ATAD3B: variants seen among roughly 807,000 people sequenced by gnomAD.
ATAD3B encodes the protein ATPase family AAA domain-containing protein 3B.
A neutral mutation model predicts 70.2 loss-of-function variants in ATAD3B; 59 were observed. The observed-to-expected ratio is 0.84, with a 90% confidence interval of 0.68 to 1.04. The LOEUF is 1.04. Among genes scored for constraint, ATAD3B ranks in the 50% least tolerant of loss-of-function variants. The pLI, the probability that ATAD3B is intolerant of heterozygous loss-of-function variation, is 0.00. For synonymous variants in ATAD3B, 423 were observed against 388.6 expected, an observed-to-expected ratio of 1.09 and a Z score of -1.04; for missense variants, 961 against 913.4, an observed-to-expected ratio of 1.05 and a Z score of -0.67.
the ATAD3B span, chr1:1,503,354 C>T: frequency 7.3e-5 from 39 of 530,908 alleles, no homozygotes; most frequent in Admixed American, 1.2e-4. Context: ...ATGTGGCTCT[C>T]CAAGACCATC....
chr1:1,509,283 C>A, the ATAD3B span: 2 of 1,612,802 alleles, frequency 1.2e-6, no homozygotes, highest in Non-Finnish European at 1.7e-6. Context: ...TGTCCAGCAG[C>A]ACCAGCAGAT....
At chr1:1,507,735 C>T in the ATAD3B span, among the ~76,000 whole-genome samples, 4 of 152,166 alleles carry the variant, frequency 2.6e-5, no homozygotes, top group African/African-American at 9.7e-5. Context: ...TCAATTTGTC[C>T]AGGAGTTTGA....
At position 1,474,018 on chromosome 1, in the gene ATAD3B, A is replaced by G. The variant is rs545043008; in HGVS notation, c.205+1929A>G. 5.9e-5 allele frequency among the ~76,000 whole-genome samples: 9 copies of G among 151,988 alleles called. No individual in the cohort carries two copies. The East Asian group carries it at 1.7e-3, about 29-fold the overall frequency. On this transcript the variant is annotated intron_variant, in intron 1 of 15. Coordinates refer to ENST00000673477, the MANE Select transcript of ATAD3B (RefSeq NM_031921.6). ...CAGGTTTGGGCCCAGGCCCAGGCTAACATGGATAGTCCTAGCTGGGCACCA... is the reference window on the plus strand; with the variant it reads ...CAGGTTTGGGCCCAGGCCCAGGCTAGCATGGATAGTCCTAGCTGGGCACCA...
At chr1:1,485,492 T>C (rs1326735005) in intron 8 of ATAD3B, among the ~76,000 whole-genome samples, 6 of 152,060 alleles carry the variant, frequency 3.9e-5, no homozygotes, top group Non-Finnish European at 5.9e-5. Flanking sequence ...TGGCGTCTGG[T>C]GGCCTCCCTG....
In ATAD3B at chr1:1,490,631, T is replaced by C. The variant is rs749185407; in HGVS notation, c.1574T>C (p.Met525Thr). 16 of 1,606,628 alleles carry C rather than the reference T, an allele frequency of 1.0e-5. No homozygotes were observed. The highest frequency in any genetic ancestry group is 1.7e-5 in the Admixed American group (1 of 58,464). Residue 525 changes from methionine to threonine, a missense_variant, in exon 15 of 16, where the codon ATG (methionine) becomes ACG (threonine). Around this residue, in one of 4 missense-constraint regions of ATAD3B, gnomAD observed 417 missense variants for 335.0 expected, o/e 1.24. Coordinates refer to ENST00000673477, the MANE Select transcript of ATAD3B (RefSeq NM_031921.6). ...GAGGTCGCTCGGCTGACGGAGGGCA[T>C]GTCGGGCCGGGAGATCGCTCAGCTG... is the stretch of plus-strand genomic sequence containing the variant. ...CSEVARLTEG[M>T]SGREIAQLAV...
Position 1,495,612 on chromosome 1 carries a change from T to A in ATAD3B, c.1742T>A (p.Val581Asp). 1.2e-6 allele frequency: 2 copies of A among 1,612,676 alleles called. No individual in the cohort carries two copies. Among genetic ancestry groups the A allele is most frequent in the Non-Finnish European group, 1.7e-6 (2 of 1,179,382 alleles). Residue 581 changes from valine (V) to aspartate (D), a missense_variant, in exon 16 of 16, where the codon GTC becomes GAC. Physicochemically the swap from Val to Asp is radical, Grantham distance 152 (BLOSUM62 -3). Transcript: ENST00000673477. ...AAGGCGGAGGGGCCTGGGCGCGGGGTCGAGCACCCCCTATCCGGAGTCCAA... is the reference window on the plus strand; with the variant it reads ...AAGGCGGAGGGGCCTGGGCGCGGGGACGAGCACCCCCTATCCGGAGTCCAA... ...WLKAEGPGRG[V>D]EHPLSGVQGE...
chr1:1,478,078 T>C, intron 2 of ATAD3B: 1 of 188,928 alleles, frequency 5.3e-6, no homozygotes, highest in East Asian at 1.4e-4. Context: ...CTCGGCTCAC[T>C]GCAACCTCCA....
In ATAD3B at chr1:1,486,099, T is replaced by C. The variant is rs1186701382; in HGVS notation, c.964-11T>C. The stretch of plus-strand genomic sequence containing the variant: ...AGAGTGTCTCCCCCAAACCCCCGTC[T>C]TCCCCGGCAGCCCAGCCTGGAAGCA... On this transcript the variant is annotated splice_polypyrimidine_tract_variant and intron_variant, in intron 9 of 15. Transcript: ENST00000673477. 5 of 1,612,912 alleles carry C rather than the reference T, an allele frequency of 3.1e-6. No individual in the cohort carries two copies. In the South Asian group the frequency reaches 3.3e-5, roughly 11 times the overall value.
At chr1:1,485,243 C>T (rs995608367) in intron 8 of ATAD3B, 72 bp downstream of exon 8, 18 of 1,575,656 alleles carry the variant, frequency 1.1e-5, no homozygotes, top group Non-Finnish European at 1.5e-5. Flanking sequence ...GAGCACAGCC[C>T]ACGCACACCC....
rs548542510 is a variant in ATAD3B at position 1,489,305 on chromosome 1, G to A, written c.1337+31G>A. On this transcript the variant is annotated intron_variant, in intron 13 of 15. Coordinates refer to ENST00000673477, the MANE Select transcript of ATAD3B (RefSeq NM_031921.6). ...GGAGCCCCTCGGGTCCTGAGCCCCC[G>A]GGCAGGGCTGTGCAGCCGTCGCCCT... 247 of 1,612,710 alleles carry A rather than the reference G, an allele frequency of 1.5e-4. 3 individuals are homozygous for A. Among genetic ancestry groups the A allele is most frequent in the Non-Finnish European group, 2.0e-4 (232 of 1,179,354 alleles).
Position 1,472,026 on chromosome 1 carries a change from A to G in ATAD3B, c.142A>G (p.Ser48Gly). ...CCGGCCGGCGCCCAAGGACAAATGG[A>G]GCAACTTCGACCCCACCGGCCTGGA... ...GDRPAPKDKW[S>G]NFDPTGLERA... Residue 48 changes from serine (S) to glycine (G), a missense_variant, in exon 1 of 16, where the codon AGC becomes GGC. Ser to Gly is a moderately conservative substitution (Grantham distance 56, BLOSUM62 0). Coordinates refer to ENST00000673477, the MANE Select transcript of ATAD3B (RefSeq NM_031921.6). 1.6e-6 allele frequency: 2 copies of G among 1,235,238 alleles called. No individual in the cohort carries two copies. The highest frequency in any genetic ancestry group is 2.0e-6 in the Non-Finnish European group (2 of 986,932). The allele number at this position is 1,235,238 out of a possible 1,614,324, so 76.5% of individuals were successfully genotyped here.
In ATAD3B at chr1:1,472,095, T is replaced by C; in HGVS notation, c.205+6T>C. On this transcript the variant is annotated splice_donor_region_variant and intron_variant, in intron 1 of 15. Coordinates refer to ENST00000673477, the MANE Select transcript of ATAD3B (RefSeq NM_031921.6). ...GCGCGAGCTGGAGCACTCGCGTGAG[T>C]GCGGCGGGGCGGGGCGGGGCGGGCG... The C allele has an allele frequency of 1.1e-6, 1 of 934,324 alleles. No homozygotes were observed. The highest frequency in any genetic ancestry group is 1.3e-6 in the Non-Finnish European group (1 of 783,340). 57.9% of individuals were successfully genotyped at this position (934,324 alleles called of 1,614,324 possible).
At chr1:1,508,229 G>A in the ATAD3B span, among the ~76,000 whole-genome samples, 9 of 151,314 alleles carry the variant, frequency 5.9e-5, no homozygotes, top group Non-Finnish European at 1.3e-4. Context: ...TGCGCTCCTG[G>A]GCCCCTGACC....
chr1:1,505,621 C>G, the ATAD3B span, among the ~76,000 whole-genome samples: 1 of 152,140 alleles, frequency 6.6e-6, no homozygotes, highest in Non-Finnish European at 1.5e-5. Flanking sequence ...CCTTCCCAGG[C>G]GCTGGCGTTA....
chr1:1,499,268 G>A (rs1316884818), downstream of ATAD3B, among the ~76,000 whole-genome samples: 1 of 149,450 alleles, frequency 6.7e-6, no homozygotes, highest in Non-Finnish European at 1.5e-5. Context: ...AGTGCGCCCG[G>A]CCTGGAATAC....
the ATAD3B span, chr1:1,503,318 C>G: frequency 1.4e-5 from 6 of 438,202 alleles, no homozygotes; most frequent in East Asian, 2.4e-4. Context: ...AGAGCCTCCT[C>G]CCGTCCACGT....
chr1:1,474,337 C>T (rs1304333522), intron 1 of ATAD3B, among the ~76,000 whole-genome samples: 1 of 150,466 alleles, frequency 6.6e-6, no homozygotes, highest in Non-Finnish European at 1.5e-5. Flanking sequence ...ACTACAAGTG[C>T]CCGCCGCCAC....
the ATAD3B span, among the ~76,000 whole-genome samples, chr1:1,507,905 C>T: frequency 2.0e-5 from 3 of 152,336 alleles, no homozygotes; most frequent in Admixed American, 6.5e-5. Context: ...ACGTGGTGAA[C>T]GTCATGTGTC....
chr1:1,479,966 CCA>C lies in ATAD3B; in HGVS notation c.444+871_444+872del, dbSNP rs201368361. 1.1e-3 allele frequency among the ~76,000 whole-genome samples: 161 copies of C among 142,198 alleles called. 13 individuals carry two copies. Among genetic ancestry groups the C allele is most frequent in the Non-Finnish European group, 1.8e-3 (118 of 65,418 alleles). The allele number at this position is 142,198 out of a possible 152,430, so 93.3% of individuals were successfully genotyped here. ...CACCTGCACACACGGGCACACCCCA[CCA>C]CACACACACACAGGCATGGACACAC... is the stretch of plus-strand genomic sequence containing the variant. On this transcript the variant is annotated intron_variant, in intron 4 of 15. Transcript: ENST00000673477.
Sources: allele counts gnomAD v4.1 joint callset (sites outside exome capture counted in the v4.1 genomes callset), GRCh38; gene constraint gnomAD v4.1.1; regional missense constraint gnomAD v4.1.1; transcripts MANE v1.5; gene names NCBI Gene and HGNC (gene_info 2026-07-23, HGNC 2026-07-21).